DAB1: variants seen among roughly 807,000 people sequenced by gnomAD.
DAB1 encodes DAB adaptor protein 1.
Under a neutral mutation model 64.6 loss-of-function variants are expected in DAB1, and 15 were observed. The ratio of observed to expected loss-of-function variants is 0.23; its 90% CI spans 0.16 to 0.36. The LOEUF is 0.36. Among genes scored for constraint, DAB1 ranks in the 10% least tolerant of loss-of-function variants. The probability of loss-of-function intolerance (pLI) is 1.00; values close to 1 mark genes in which losing one functional copy is unlikely to be tolerated. For missense variants in DAB1, 596 were observed against 706.7 expected, an observed-to-expected ratio of 0.84 and a Z score of 1.78; for synonymous variants, 235 against 251.9, an observed-to-expected ratio of 0.93 and a Z score of 0.64.
At chr1:57,838,944 T>A (rs939631171) in intron 1 of DAB1, among the ~76,000 whole-genome samples, 1 of 151,968 alleles carries the variant, frequency 6.6e-6, no homozygotes. Context: ...GCTCAGCTAA[T>A]GTATTTATTT....
chr1:57,309,338 G>C (rs1162359431), intron 1 of DAB1, among the ~76,000 whole-genome samples: 1 of 152,142 alleles, frequency 6.6e-6, no homozygotes, highest in Non-Finnish European at 1.5e-5. Flanking sequence ...CTGTCGCAGA[G>C]AATACTTCCA....
chr1:58,503,169 T>C (rs999287612), intron 3 of DAB1, among the ~76,000 whole-genome samples: 4 of 152,204 alleles, frequency 2.6e-5, no homozygotes, highest in African/African-American at 9.7e-5. Context: ...CACATATTTT[T>C]AGAATTTCAT....
At chr1:57,286,692 G>A (rs1672342831) in intron 2 of DAB1, among the ~76,000 whole-genome samples, 1 of 152,008 alleles carries the variant, frequency 6.6e-6, no homozygotes, top group African/African-American at 2.4e-5. Flanking sequence ...CATTATATGA[G>A]GATATAACAT....
chr1:58,142,464 G>GTCTC (rs1654343635), intron 5 of DAB1, among the ~76,000 whole-genome samples: 1 of 152,180 alleles, frequency 6.6e-6, no homozygotes, highest in South Asian at 2.1e-4. Context: ...AGGAAATGGA[G>GTCTC]TCTCTTCATC....
At chr1:57,862,071 A>G (rs1240779862) in intron 1 of DAB1, among the ~76,000 whole-genome samples, 2 of 152,170 alleles carry the variant, frequency 1.3e-5, no homozygotes, top group African/African-American at 2.4e-5. Context: ...AACAATCTGA[A>G]TCTTTAAGAT....
chr1:58,524,253 A>G (rs1389022995), intron 2 of DAB1, among the ~76,000 whole-genome samples: 10 of 152,192 alleles, frequency 6.6e-5, no homozygotes, highest in South Asian at 4.1e-4. Flanking sequence ...TCCGGCAGCT[A>G]TTCTTTCTCC....
chr1:57,591,073 C>T (rs1403757605), intron 7 of DAB1, among the ~76,000 whole-genome samples: 2 of 152,122 alleles, frequency 1.3e-5, no homozygotes, highest in Non-Finnish European at 2.9e-5. Flanking sequence ...AGGTAAGATT[C>T]TGTTGTCTGA....
chr1:57,144,577 C>T (rs776528473), intron 3 of DAB1, among the ~76,000 whole-genome samples: 47 of 151,734 alleles, frequency 3.1e-4, no homozygotes, highest in Non-Finnish European at 6.0e-4. Flanking sequence ...ACCTGTAATC[C>T]CAGCTACTCA....
chr1:57,063,656 A>T (rs1350815284), intron 8 of DAB1, among the ~76,000 whole-genome samples: 1 of 152,166 alleles, frequency 6.6e-6, no homozygotes, highest in Admixed American at 6.5e-5. Flanking sequence ...TCTGCCTCTT[A>T]CTCAGGTTAT....
intron 7 of DAB1, among the ~76,000 whole-genome samples, chr1:57,603,572 G>A (rs1445776664): frequency 6.6e-6 from 1 of 152,182 alleles, no homozygotes; most frequent in Non-Finnish European, 1.5e-5. Context: ...CATCCCAGGT[G>A]GGCAGGCACA....
chr1:58,300,628 G>A (rs865884618), intron 4 of DAB1, among the ~76,000 whole-genome samples: 1,463 of 54,136 alleles, frequency 0.027, 65 homozygotes, highest in Non-Finnish European at 0.044. Flanking sequence ...GAGAGAGAGA[G>A]AGAGAGAGAG....
chr1:58,390,641 A>G (rs992843671), intron 3 of DAB1, among the ~76,000 whole-genome samples: 2 of 152,252 alleles, frequency 1.3e-5, no homozygotes, highest in Non-Finnish European at 2.9e-5. Context: ...TAAAAAAGCA[A>G]TAATAAATGT....
At chr1:58,347,653 A>G (rs957687750) in intron 3 of DAB1, among the ~76,000 whole-genome samples, 2 of 152,184 alleles carry the variant, frequency 1.3e-5, no homozygotes, top group Non-Finnish European at 2.9e-5. Context: ...ACTCAGATCA[A>G]TTCTTGCACT....
At chr1:58,178,276 GTC>G (rs1426846787) in intron 4 of DAB1, among the ~76,000 whole-genome samples, 1 of 152,068 alleles carries the variant, frequency 6.6e-6, no homozygotes, top group African/African-American at 2.4e-5. Flanking sequence ...CTGTGTATCT[GTC>G]TCCGAAGCAC....
At chr1:58,229,342 C>G (rs1020085610) in intron 4 of DAB1, among the ~76,000 whole-genome samples, 4 of 152,086 alleles carry the variant, frequency 2.6e-5, no homozygotes, top group African/African-American at 9.7e-5. Flanking sequence ...AAAATAGGTA[C>G]GAGTAAAGGC....
intron 3 of DAB1, among the ~76,000 whole-genome samples, chr1:58,414,685 C>T (rs1644701243): frequency 6.6e-6 from 1 of 151,204 alleles, no homozygotes; most frequent in Non-Finnish European, 1.5e-5. Context: ...TTAGACCTTC[C>T]TTTAATTTTA....
At chr1:57,088,405 C>T (rs1014150602) in intron 4 of DAB1, among the ~76,000 whole-genome samples, 3 of 152,212 alleles carry the variant, frequency 2.0e-5, no homozygotes, top group African/African-American at 4.8e-5. Context: ...ATCAAAGCCA[C>T]GTCCCTAGGA....
At chr1:58,499,314 C>CAAAAAAAAAAA (rs58217798) in intron 3 of DAB1, among the ~76,000 whole-genome samples, 3 of 69,734 alleles carry the variant, frequency 4.3e-5, no homozygotes, top group Non-Finnish European at 5.7e-5. Context: ...CACATCTCTA[C>CAAAAAAAAAAA]AAAAAAAAAA....
intron 1 of DAB1, among the ~76,000 whole-genome samples, chr1:57,409,224 A>C (rs1023576261): frequency 6.6e-6 from 1 of 152,146 alleles, no homozygotes; most frequent in Non-Finnish European, 1.5e-5. Context: ...ACTGATCTAG[A>C]GGTAGGTTGG....
Sources: allele counts gnomAD v4.1 joint callset (sites outside exome capture counted in the v4.1 genomes callset), GRCh38; gene constraint gnomAD v4.1.1; transcripts MANE v1.5; gene names NCBI Gene and HGNC (gene_info 2026-07-23, HGNC 2026-07-21).